HELZ: variants seen among roughly 807,000 people sequenced by gnomAD.
HELZ encodes the protein ATP-dependent RNA helicase with zinc finger domain.
In HELZ, 23 loss-of-function variants were observed where a neutral mutation model predicts 218.2. That is an observed-to-expected ratio of 0.11 (90% CI 0.08 to 0.15). The LOEUF (loss-of-function observed/expected upper bound fraction) is 0.15. Among genes scored for constraint, HELZ ranks in the 10% least tolerant of loss-of-function variants. HELZ has a pLI of 1.00. For synonymous variants in HELZ, 814 were observed against 829.4 expected, an observed-to-expected ratio of 0.98 and a Z score of 0.32; for missense variants, 1,813 against 2,353.7, an observed-to-expected ratio of 0.77 and a Z score of 4.75.
At chr17:67,139,783 G>A (rs2038266223) in intron 21 of HELZ, among the ~76,000 whole-genome samples, 1 of 152,122 alleles carries the variant, frequency 6.6e-6, no homozygotes, top group African/African-American at 2.4e-5. Flanking sequence ...AACGGCCAAG[G>A]GGCAATTCCC....
At chr17:67,175,971 A>G (rs1331786487) in intron 13 of HELZ, among the ~76,000 whole-genome samples, 5 of 152,302 alleles carry the variant, frequency 3.3e-5, no homozygotes, top group African/African-American at 7.2e-5. Flanking sequence ...AACACTCTAC[A>G]CTATCTTACC....
chr17:67,086,625 AATATAAATAT>A (rs1213399281), intron 32 of HELZ, among the ~76,000 whole-genome samples, 194 bp downstream of exon 32: 2 of 38,546 alleles, frequency 5.2e-5, no homozygotes, highest in African/African-American at 1.1e-4. Flanking sequence ...AATAAATATA[AATATAAATAT>A]ATATATATAT....
At chr17:67,207,056 G>C (rs890860225) in intron 5 of HELZ, among the ~76,000 whole-genome samples, 3 of 151,132 alleles carry the variant, frequency 2.0e-5, no homozygotes, top group Non-Finnish European at 4.4e-5. Flanking sequence ...GGGATTACAG[G>C]CATGCGCCAC....
At chr17:67,208,208 T>C (rs1200320432) in intron 5 of HELZ, among the ~76,000 whole-genome samples, 1 of 152,056 alleles carries the variant, frequency 6.6e-6, no homozygotes, top group Admixed American at 6.6e-5. Context: ...AAAGGAATAG[T>C]ACATTTCCTG....
chr17:67,158,346 C>T (rs2038901892), intron 17 of HELZ, among the ~76,000 whole-genome samples: 1 of 152,160 alleles, frequency 6.6e-6, no homozygotes, highest in South Asian at 2.1e-4. Flanking sequence ...AGCTAATCTT[C>T]CCAGAGCACT....
At chr17:67,158,544 C>G (rs745670649) in intron 17 of HELZ, among the ~76,000 whole-genome samples, 3 of 152,170 alleles carry the variant, frequency 2.0e-5, no homozygotes, top group Admixed American at 6.6e-5. Flanking sequence ...GGCAAAAATG[C>G]AGGACTACAT....
intron 12 of HELZ, 120 bp from the exon 13 acceptor site, chr17:67,179,046 A>G (rs1412075131): frequency 3.1e-6 from 2 of 637,990 alleles, no homozygotes; most frequent in Non-Finnish European, 5.1e-6. Context: ...TAGAGCTCAA[A>G]TTCTTAAAAA....
At chr17:67,105,787 A>G (rs2037082245) in intron 31 of HELZ, among the ~76,000 whole-genome samples, 1 of 152,216 alleles carries the variant, frequency 6.6e-6, no homozygotes, top group African/African-American at 2.4e-5. Flanking sequence ...ATACCAATTC[A>G]TCTTTATTGT....
intron 15 of HELZ, among the ~76,000 whole-genome samples, chr17:67,165,957 A>T (rs529947854): frequency 3.7e-4 from 56 of 152,214 alleles, no homozygotes; most frequent in Non-Finnish European, 7.4e-4. Context: ...GACAGCAAGA[A>T]CCTTGTCTAC....
chr17:67,206,299 C>T (rs535590986), intron 5 of HELZ, among the ~76,000 whole-genome samples: 5 of 152,160 alleles, frequency 3.3e-5, no homozygotes, highest in Non-Finnish European at 7.3e-5. Context: ...TCTGTCAGCT[C>T]GCTGTGTATC....
At chr17:67,135,912 AG>A in intron 23 of HELZ, 57 bp downstream of exon 23, 1 of 1,336,180 alleles carries the variant, frequency 7.5e-7, no homozygotes, top group Non-Finnish European at 1.0e-6. Context: ...ATATACACAT[AG>A]GGATACAAAT....
At chr17:67,209,728 T>G (rs559564003) in intron 5 of HELZ, among the ~76,000 whole-genome samples, 1 of 144,330 alleles carries the variant, frequency 6.9e-6, no homozygotes, top group African/African-American at 2.7e-5. Context: ...ACTGGCTCTG[T>G]GCTCTTAAGC....
At chr17:67,173,402 A>G (rs1278228818) in intron 13 of HELZ, among the ~76,000 whole-genome samples, 2 of 152,208 alleles carry the variant, frequency 1.3e-5, no homozygotes, top group African/African-American at 4.8e-5. Flanking sequence ...AATCATCCTT[A>G]AAGTTTACAT....
At chr17:67,211,199 T>C (rs529404842) in intron 5 of HELZ, among the ~76,000 whole-genome samples, 2 of 152,182 alleles carry the variant, frequency 1.3e-5, no homozygotes, top group African/African-American at 4.8e-5. Flanking sequence ...TAAAATTTTA[T>C]AACCTTTAAT....
chr17:67,177,808 C>T (rs1407587508), intron 13 of HELZ, among the ~76,000 whole-genome samples: 3 of 151,804 alleles, frequency 2.0e-5, no homozygotes, highest in Admixed American at 2.0e-4. Context: ...ATAGGGTGAC[C>T]AAAATATCTA....
intron 20 of HELZ, 125 bp downstream of exon 20, chr17:67,148,444 G>C (rs935080802): frequency 2.9e-6 from 2 of 696,318 alleles, no homozygotes; most frequent in African/African-American, 3.6e-5. Flanking sequence ...AACATAATTT[G>C]CAAGACTAGG....
At chr17:67,079,215 C>A (rs1160086086) in intron 32 of HELZ, among the ~76,000 whole-genome samples, 2 of 152,166 alleles carry the variant, frequency 1.3e-5, no homozygotes, top group Non-Finnish European at 2.9e-5. Context: ...AACTGCTTTT[C>A]TTTTCAATCT....
Position 67,108,399 on chromosome 17 carries a change from A to G in HELZ, c.4724+93T>C, listed in dbSNP as rs1249149868. 1 of 902,892 alleles carries G rather than the reference A, an allele frequency of 1.1e-6. No homozygotes were observed. Among genetic ancestry groups the G allele is most frequent in the Admixed American group, 2.0e-5 (1 of 50,016 alleles). 55.9% of individuals were successfully genotyped at this position (902,892 alleles called of 1,614,324 possible). A position where few individuals can be genotyped will look rare whatever the true frequency, so the allele number is the denominator to read the frequency against. On this transcript the variant is annotated intron_variant, in intron 30 of 32. Transcript: ENST00000358691. This position sits in a 1 kb window ranked among gnomAD's most constrained non-coding sequence, Gnocchi z 4.1. ...GGCCAGCATCCAATTTCTCTGAGGCAATATTCCAGCTTGAAGCTAAAAGGA... is the reference window on the plus strand; with the variant it reads ...GGCCAGCATCCAATTTCTCTGAGGCGATATTCCAGCTTGAAGCTAAAAGGA...
intron 17 of HELZ, among the ~76,000 whole-genome samples, chr17:67,159,457 G>A (rs554028975): frequency 5.0e-4 from 76 of 151,904 alleles, no homozygotes; most frequent in Non-Finnish European, 5.2e-4. Flanking sequence ...GAAATAAAAC[G>A]TTAGTGACTT....
Sources: allele counts gnomAD v4.1 joint callset (sites outside exome capture counted in the v4.1 genomes callset), GRCh38; gene constraint gnomAD v4.1.1; non-coding constraint Gnocchi (gnomAD v3.1); transcripts MANE v1.5; gene names NCBI Gene and HGNC (gene_info 2026-07-23, HGNC 2026-07-21).